TNFRSF21: variants seen among roughly 807,000 people sequenced by gnomAD.
TNFRSF21 encodes TNF receptor superfamily member 21, also known as tumor necrosis factor receptor superfamily member 21.
In TNFRSF21, 19 loss-of-function variants were observed where a neutral mutation model predicts 45.6. The observed-to-expected ratio is 0.42, with a 90% CI of 0.29 to 0.61. The LOEUF (loss-of-function observed/expected upper bound fraction) is 0.61. Ranked by LOEUF, TNFRSF21 falls within the 20% of genes least tolerant of loss-of-function variation. The pLI is 0.23. For synonymous variants in TNFRSF21, 314 were observed against 335.5 expected, an observed-to-expected ratio of 0.94 and a Z score of 0.70; for missense variants, 737 against 851.5, an observed-to-expected ratio of 0.87 and a Z score of 1.67.
At chr6:47,291,578 G>C (rs1326837844) in intron 1 of TNFRSF21, among the ~76,000 whole-genome samples, 1 of 152,174 alleles carries the variant, frequency 6.6e-6, no homozygotes, top group Non-Finnish European at 1.5e-5. Context: ...TTTTCAAATA[G>C]GACTTAAGAG....
At chr6:47,309,392 C>T in intron 1 of TNFRSF21, 24 bp downstream of exon 1, 2 of 1,522,626 alleles carry the variant, frequency 1.3e-6, no homozygotes, top group Non-Finnish European at 8.8e-7. Flanking sequence ...GCCGCCGCCA[C>T]CCCCGGTCCA....
intron 1 of TNFRSF21, among the ~76,000 whole-genome samples, chr6:47,293,210 T>C (rs897177882): frequency 9.2e-5 from 14 of 152,194 alleles, no homozygotes; most frequent in Non-Finnish European, 2.1e-4. Flanking sequence ...CCCATAATGA[T>C]TATAAGCAGC....
At chr6:47,265,838 C>T (rs1308879852) in intron 3 of TNFRSF21, among the ~76,000 whole-genome samples, 2 of 152,200 alleles carry the variant, frequency 1.3e-5, no homozygotes, top group Middle Eastern at 3.2e-3. Flanking sequence ...TAGTAGCAAA[C>T]ACCCCATAAA....
chr6:47,308,296 G>A (rs993299326), intron 1 of TNFRSF21, among the ~76,000 whole-genome samples: 4 of 152,176 alleles, frequency 2.6e-5, no homozygotes, highest in Non-Finnish European at 4.4e-5. Context: ...CTGGCCAGGC[G>A]TTAAGCCCTT....
chr6:47,296,516 C>T (rs1426847647), intron 1 of TNFRSF21, among the ~76,000 whole-genome samples: 1 of 152,088 alleles, frequency 6.6e-6, no homozygotes, highest in Non-Finnish European at 1.5e-5. Context: ...TGGATAGGGG[C>T]TGGTCATAAG....
intron 3 of TNFRSF21, among the ~76,000 whole-genome samples, chr6:47,271,459 A>T (rs1454805511): frequency 6.6e-6 from 1 of 152,248 alleles, no homozygotes; most frequent in East Asian, 1.9e-4. Context: ...CAGACAAGCA[A>T]ATGCTGAGAG....
chr6:47,305,125 T>C (rs578020204), intron 1 of TNFRSF21, among the ~76,000 whole-genome samples: 17 of 152,350 alleles, frequency 1.1e-4, no homozygotes, highest in South Asian at 2.1e-4. Context: ...AAGGTAAGTA[T>C]ACTACATTCA....
chr6:47,232,561 T>C lies in TNFRSF21; in HGVS notation c.*204A>G, dbSNP rs965060776. 1.1e-5 allele frequency: 6 copies of C among 555,616 alleles called. No individual in the cohort carries two copies. The African/African-American group carries it at 1.2e-4, about 11-fold the overall frequency. The allele number at this position is 555,616 out of a possible 1,614,324, so 34.4% of individuals were successfully genotyped here. On this transcript the variant is annotated 3_prime_UTR_variant, in exon 6 of 6. Transcript: ENST00000296861. Reference sequence around the variant, plus strand: ...ATAAACCAACTTCCCAGAAGAGTTATTTAAAAAAAAAAGAGAGAGAGAGAA... The same window carrying C: ...ATAAACCAACTTCCCAGAAGAGTTACTTAAAAAAAAAAGAGAGAGAGAGAA...
At chr6:47,238,811 T>C (rs1366024263) in intron 4 of TNFRSF21, among the ~76,000 whole-genome samples, 1 of 152,072 alleles carries the variant, frequency 6.6e-6, no homozygotes, top group Non-Finnish European at 1.5e-5. Context: ...GGCTACTGAG[T>C]TTGGTAGCAG....
At chr6:47,258,367 C>CA (rs1257173188) in intron 3 of TNFRSF21, among the ~76,000 whole-genome samples, 2 of 140,372 alleles carry the variant, frequency 1.4e-5, no homozygotes, top group Admixed American at 7.1e-5. Flanking sequence ...AAAACTGTCT[C>CA]AAAAAAAAGA....
At chr6:47,304,995 T>C (rs966206284) in intron 1 of TNFRSF21, among the ~76,000 whole-genome samples, 1 of 152,230 alleles carries the variant, frequency 6.6e-6, no homozygotes, top group Non-Finnish European at 1.5e-5. Flanking sequence ...CTTTCTCTAC[T>C]GAGGCTAACG....
intron 1 of TNFRSF21, among the ~76,000 whole-genome samples, chr6:47,297,081 G>C (rs1407294035): frequency 6.6e-6 from 1 of 152,196 alleles, no homozygotes; most frequent in African/African-American, 2.4e-5. Flanking sequence ...TGTGGGATCC[G>C]ACACTACTTC....
chr6:47,281,600 C>G (rs1239525626), intron 3 of TNFRSF21, among the ~76,000 whole-genome samples: 1 of 152,112 alleles, frequency 6.6e-6, no homozygotes, highest in Admixed American at 6.6e-5. Flanking sequence ...AGGCGGGTCT[C>G]AAACTCCTGA....
chr6:47,278,830 G>A (rs1762531390), intron 3 of TNFRSF21, among the ~76,000 whole-genome samples: 1 of 152,170 alleles, frequency 6.6e-6, no homozygotes, highest in African/African-American at 2.4e-5. Flanking sequence ...CGTAATCCCT[G>A]TTGCAGTTGA....
rs199572268 is a variant in TNFRSF21 at position 47,275,337 on chromosome 6, A to C, written c.1243+8601T>G. Reference sequence around the variant, plus strand: ...ATACTATGCAGCCATAAAAAAGATGAGTTCATGTCCTTTACAGGGACATGG... The same window carrying C: ...ATACTATGCAGCCATAAAAAAGATGCGTTCATGTCCTTTACAGGGACATGG... On this transcript the variant is annotated intron_variant, in intron 3 of 5. Transcript: ENST00000296861. Among the ~76,000 whole-genome samples the C allele has an allele frequency of 3.3e-5, 5 of 152,256 alleles. No homozygotes were observed. The South Asian group carries it at 1.0e-3, about 32-fold the overall frequency.
Position 47,309,633 on chromosome 6 carries a change from AC to A in TNFRSF21, c.-123del. ...GGCCGGGAGCCCATCTACCTCCAAC[AC>A]CCCATGTGCACTGCTGCGGCCGGGC... On this transcript the variant is annotated 5_prime_UTR_variant, in exon 1 of 6. It removes the in-frame stop codon of an upstream open reading frame in the 5' UTR. Transcript: ENST00000296861. The A allele has an allele frequency of 7.8e-7, 1 of 1,274,958 alleles. No individual in the cohort carries two copies. 79.0% of individuals were successfully genotyped at this position (1,274,958 alleles called of 1,614,324 possible).
intron 3 of TNFRSF21, among the ~76,000 whole-genome samples, chr6:47,266,915 G>T (rs1340202941): frequency 6.6e-6 from 1 of 152,066 alleles, no homozygotes. Context: ...AAGCAGGTTT[G>T]CTTTTTCACT....
chr6:47,252,875 G>A (rs1345281059), intron 4 of TNFRSF21, among the ~76,000 whole-genome samples: 1 of 152,156 alleles, frequency 6.6e-6, no homozygotes, highest in African/African-American at 2.4e-5. Flanking sequence ...GAGGAGAGGC[G>A]GTGTAGTAAA....
In TNFRSF21 at chr6:47,301,759, T is replaced by C. The variant is rs376367110; in HGVS notation, c.96+7657A>G. Among the ~76,000 whole-genome samples the C allele has an allele frequency of 1.2e-4, 19 of 152,316 alleles. 1 individual carries two copies. In the South Asian group the frequency reaches 3.1e-3, roughly 25 times the overall value. On this transcript the variant is annotated intron_variant, in intron 1 of 5. Transcript: ENST00000296861. ...GACTAAAAGCTTCCTGAGGCCTTACTAGAAGCCAAACAGATGCTAAATCCA... is the reference window on the plus strand; with the variant it reads ...GACTAAAAGCTTCCTGAGGCCTTACCAGAAGCCAAACAGATGCTAAATCCA...
Sources: allele counts gnomAD v4.1 joint callset (sites outside exome capture counted in the v4.1 genomes callset), GRCh38; gene constraint gnomAD v4.1.1; transcripts MANE v1.5; gene names NCBI Gene and HGNC (gene_info 2026-07-23, HGNC 2026-07-21).